The following MORF4L1 variants were observed in gnomAD, a reference collection of about 807,000 sequenced individuals.
MORF4L1 encodes the protein mortality factor 4-like protein 1.
A neutral mutation model predicts 52.9 loss-of-function variants in MORF4L1; 4 were observed. The ratio of observed to expected loss-of-function variants is 0.08; its 90% CI spans 0.04 to 0.17. The LOEUF is 0.17. Ranked by LOEUF, MORF4L1 falls within the 10% of genes least tolerant of loss-of-function variation. The pLI is 1.00. For synonymous variants in MORF4L1, 123 were observed against 134.8 expected (o/e 0.91, Z 0.61); for missense variants, 214 against 390.4 (o/e 0.55, Z 3.81).
chr15:78,888,626 A>G (rs2056747297), intron 5 of MORF4L1, among the ~76,000 whole-genome samples: 1 of 152,082 alleles, frequency 6.6e-6, no homozygotes, highest in African/African-American at 2.4e-5. Flanking sequence ...TGTTACACCC[A>G]GTGCTTTGGG....
At chr15:78,891,620 C>T in intron 7 of MORF4L1, 48 bp downstream of exon 7, 5 of 1,417,864 alleles carry the variant, frequency 3.5e-6, no homozygotes, top group Middle Eastern at 3.5e-4. Context: ...TTTTTAGTCT[C>T]AGTTACATGA....
At position 78,894,186 on chromosome 15, in the gene MORF4L1, C is replaced by A. The variant is rs2056845608; in HGVS notation, c.758C>A (p.Pro253His). ...AEILADHPDA[P>H]MSQVYGAPHL... ...ATTCTTGCAGATCATCCCGATGCACCCATGTCCCAGGTGTATGGAGCGCCA... is the reference window on the plus strand; with the variant it reads ...ATTCTTGCAGATCATCCCGATGCACACATGTCCCAGGTGTATGGAGCGCCA... The change falls in exon 10 of 12, where the codon CCC becomes CAC. Residue 253 changes from proline to histidine, a missense_variant. By Grantham distance (77) the Pro-to-His change is moderately conservative. This residue lies in a region of MORF4L1 where 68 missense variants were observed against 171.6 expected (regional missense o/e 0.40). Coordinates refer to ENST00000426013, the MANE Select transcript of MORF4L1 (RefSeq NM_006791.4). 1 of 1,613,656 alleles carries A rather than the reference C, an allele frequency of 6.2e-7. No homozygotes were observed. Among genetic ancestry groups the A allele is most frequent in the African/African-American group, 1.3e-5 (1 of 74,844 alleles).
chr15:78,883,439 A>G, intron 3 of MORF4L1, among the ~76,000 whole-genome samples: 1 of 152,228 alleles, frequency 6.6e-6, no homozygotes, highest in Non-Finnish European at 1.5e-5. Flanking sequence ...TTTAAGTGGC[A>G]TTTGTAGCTT....
rs1448057941 is a variant in MORF4L1 at position 78,878,221 on chromosome 15, G to A, written c.49G>A (p.Val17Met). 6.2e-7 allele frequency: 1 copy of A among 1,612,050 alleles called. No individual in the cohort carries two copies. Among genetic ancestry groups the A allele is most frequent in the Admixed American group, 1.7e-5 (1 of 59,784 alleles). ...PKPKFQEGER[V>M]LCFHGPLLYE... ...TTTTTCTCCCTTTACAGGTGAGCGA[G>A]TGCTGTGCTTTCATGGGCCTCTTCT... Residue 17 changes from valine to methionine, a missense_variant, in exon 2 of 12, where the codon GTG (valine) becomes ATG (methionine). Val to Met is a conservative substitution (Grantham distance 21, BLOSUM62 1). Coordinates refer to ENST00000426013, the MANE Select transcript of MORF4L1 (RefSeq NM_006791.4).
chr15:78,891,659 A>G lies in MORF4L1; in HGVS notation c.438+87A>G, dbSNP rs757157535. The stretch of plus-strand genomic sequence containing the variant: ...AACCATGGGAGCTTTGATTATCTAC[A>G]AGATTTGCTTACATGGTTAATACCT... On this transcript the variant is annotated intron_variant, in intron 7 of 11. Coordinates refer to ENST00000426013, the MANE Select transcript of MORF4L1 (RefSeq NM_006791.4). 2.0e-5 allele frequency: 22 copies of G among 1,099,016 alleles called. No individual in the cohort carries two copies. The Admixed American group carries it at 3.1e-4, about 15-fold the overall frequency. The allele number at this position is 1,099,016 out of a possible 1,614,324, so 68.1% of individuals were successfully genotyped here.
chr15:78,882,478 G>A (rs999489903), intron 3 of MORF4L1, among the ~76,000 whole-genome samples: 1 of 152,160 alleles, frequency 6.6e-6, no homozygotes, highest in Non-Finnish European at 1.5e-5. Flanking sequence ...AGTACTAAAT[G>A]GATTCTAATA....
intron 11 of MORF4L1, among the ~76,000 whole-genome samples, chr15:78,896,669 T>C (rs1464062350): frequency 6.6e-6 from 1 of 152,168 alleles, no homozygotes; most frequent in Non-Finnish European, 1.5e-5. Flanking sequence ...TGTCATGTAA[T>C]AGGATAATAA....
At chr15:78,874,932 C>T (rs894141793) in intron 1 of MORF4L1, among the ~76,000 whole-genome samples, 3 of 151,858 alleles carry the variant, frequency 2.0e-5, no homozygotes, top group Non-Finnish European at 4.4e-5. Context: ...ATTGCTCCCC[C>T]TAAACCCCGA....
At chr15:78,876,465 C>T (rs555962243) in intron 1 of MORF4L1, 116 of 453,234 alleles carry the variant, frequency 2.6e-4, no homozygotes, top group Non-Finnish European at 4.4e-4. Context: ...GGGTCATACT[C>T]CTCAGCTAGC....
At chr15:78,883,878 ACT>A (rs369546015) in intron 3 of MORF4L1, among the ~76,000 whole-genome samples, 27 of 152,174 alleles carry the variant, frequency 1.8e-4, no homozygotes, top group African/African-American at 6.5e-4. Context: ...GATCATTGTG[ACT>A]CTGGGAATTA....
chr15:78,890,555 C>G (rs907308311), intron 5 of MORF4L1: 2 of 152,436 alleles, frequency 1.3e-5, no homozygotes, highest in African/African-American at 4.8e-5. Flanking sequence ...AATCAAGGCT[C>G]ACTGCAGCCT....
At chr15:78,878,745 T>C (rs956902385) in intron 2 of MORF4L1, among the ~76,000 whole-genome samples, 5 of 152,212 alleles carry the variant, frequency 3.3e-5, no homozygotes, top group Non-Finnish European at 7.3e-5. Context: ...GCTCAAGTTA[T>C]AAAAACTGAT....
At chr15:78,894,021 A>C in intron 9 of MORF4L1, 37 bp from the exon 10 acceptor site, 1 of 1,561,168 alleles carries the variant, frequency 6.4e-7, no homozygotes, top group Non-Finnish European at 8.8e-7. Context: ...AGTTATTTTT[A>C]TTGACCAGTT....
At chr15:78,876,720 A>AGAAGTCTTT (rs1369840482) in intron 1 of MORF4L1, 1 of 347,678 alleles carries the variant, frequency 2.9e-6, no homozygotes, top group African/African-American at 2.1e-5. Flanking sequence ...GGGCCGTTGG[A>AGAAGTCTTT]GAAGTCTTTG....
chr15:78,885,124 C>T (rs1299776000), intron 3 of MORF4L1: 5 of 1,445,242 alleles, frequency 3.5e-6, no homozygotes, highest in Non-Finnish European at 3.9e-6. Context: ...AAATCATGTT[C>T]AGGATTGCTT....
intron 11 of MORF4L1, 60 bp downstream of exon 11, chr15:78,894,964 T>C (rs1296301137): frequency 1.2e-5 from 16 of 1,325,692 alleles, no homozygotes; most frequent in Middle Eastern, 3.6e-4. Flanking sequence ...ATGGGAGGGA[T>C]TGGCAGTATA....
chr15:78,896,105 A>C (rs1298252218), intron 11 of MORF4L1, among the ~76,000 whole-genome samples: 1 of 152,018 alleles, frequency 6.6e-6, no homozygotes, highest in Non-Finnish European at 1.5e-5. Flanking sequence ...CAGCCTCCCA[A>C]GTAGCTGGGA....
chr15:78,893,707 A>G (rs949525753), intron 9 of MORF4L1, 80 bp downstream of exon 9: 1 of 915,292 alleles, frequency 1.1e-6, no homozygotes. Flanking sequence ...ACTTGTACTG[A>G]CTCCGAAACA....
chr15:78,890,201 C>G (rs1244965468), intron 5 of MORF4L1, among the ~76,000 whole-genome samples: 2 of 151,928 alleles, frequency 1.3e-5, no homozygotes, highest in Non-Finnish European at 2.9e-5. Context: ...AAGACTCCAT[C>G]TCAAAATAAA....
Sources: allele counts gnomAD v4.1 joint callset (sites outside exome capture counted in the v4.1 genomes callset), GRCh38; gene constraint gnomAD v4.1.1; regional missense constraint gnomAD v4.1.1; transcripts MANE v1.5; gene names NCBI Gene and HGNC (gene_info 2026-07-23, HGNC 2026-07-21).